Variants in TMPRSS15 observed in about 807,000 individuals in gnomAD.
TMPRSS15 encodes the protein enteropeptidase.
TMPRSS15 carries 128 observed loss-of-function variants against 125.3 expected under a neutral mutation model. That is an observed-to-expected ratio of 1.02 (90% CI 0.89 to 1.18). TMPRSS15 has a LOEUF of 1.18. Among genes scored for constraint, TMPRSS15 ranks in the 50% most tolerant of loss-of-function variants. TMPRSS15 has a pLI of 0.00. For synonymous variants in TMPRSS15, 446 were observed against 423.2 expected (o/e 1.05, Z -0.66); for missense variants, 1,283 against 1,212.7 (o/e 1.06, Z -0.86).
chr21:18,412,021 A>G (rs1325083044), intron 1 of TMPRSS15, among the ~76,000 whole-genome samples: 1 of 152,148 alleles, frequency 6.6e-6, no homozygotes, highest in African/African-American at 2.4e-5. Flanking sequence ...TTTGAAAAAA[A>G]TATCAGCATG....
chr21:18,315,249 G>T lies in TMPRSS15; in HGVS notation c.1929C>A (p.Cys643Ter). The T allele has an allele frequency of 6.2e-7, 1 of 1,611,958 alleles. No individual in the cohort carries two copies. ...TGYHLGIPEP[C>*]KADHFQCKNG... ...TTTTACATTGAAAATGGTCTGCCTTGCATGGCTCTATGGGGAAAGAATGTT... is the reference window on the plus strand; with the variant it reads ...TTTTACATTGAAAATGGTCTGCCTTTCATGGCTCTATGGGGAAAGAATGTT... The change falls in exon 17 of 25, where the codon TGC becomes TGA. Residue 643 changes from cysteine to a stop codon, truncating the protein, a stop_gained. Coordinates refer to ENST00000284885, the MANE Select transcript of TMPRSS15 (RefSeq NM_002772.3). LOFTEE classifies it high-confidence loss of function.
chr21:18,310,592 C>T (rs568720334), intron 18 of TMPRSS15, among the ~76,000 whole-genome samples: 86 of 152,024 alleles, frequency 5.7e-4, no homozygotes, highest in Middle Eastern at 6.8e-3. Context: ...CCTATACTCA[C>T]GGATTGGAAG....
At chr21:18,338,502 G>T (rs1349555014) in intron 13 of TMPRSS15, among the ~76,000 whole-genome samples, 1 of 152,036 alleles carries the variant, frequency 6.6e-6, no homozygotes, top group Non-Finnish European at 1.5e-5. Context: ...TAATAAATAG[G>T]TAGGGTGTGG....
intron 13 of TMPRSS15, among the ~76,000 whole-genome samples, chr21:18,338,026 T>C (rs2146979411): frequency 6.6e-6 from 1 of 152,292 alleles, no homozygotes; most frequent in Non-Finnish European, 1.5e-5. Context: ...CATTATAATT[T>C]CCCTATTGTT....
At chr21:18,417,052 T>C (rs12483232) in intron 1 of TMPRSS15, among the ~76,000 whole-genome samples, 1 of 152,228 alleles carries the variant, frequency 6.6e-6, no homozygotes, top group Admixed American at 6.5e-5. Context: ...TTAACTGTGC[T>C]TGAATATCAA....
rs1429876624 is a variant in TMPRSS15 at position 18,352,908 on chromosome 21, G to A, written c.1166C>T (p.Ala389Val). The A allele has an allele frequency of 1.2e-6, 2 of 1,611,934 alleles. No homozygotes were observed. Among genetic ancestry groups the A allele is most frequent in the Admixed American group, 3.3e-5 (2 of 59,914 alleles). Residue 389 changes from alanine (A) to valine (V), a missense_variant, in exon 10 of 25, where the codon GCT (alanine) becomes GTT (valine). By Grantham distance (64) the Ala-to-Val change is moderately conservative. Coordinates refer to ENST00000284885, the MANE Select transcript of TMPRSS15 (RefSeq NM_002772.3). The part of the protein sequence containing the change: ...GPNFDHTFGN[A>V]SGFYISTPTG... Reference sequence around the variant, plus strand: ...CTGAATTAAATGAATTATACCTGAAGCATTGCCAAAAGTGTGGTCAAAATT... The same window carrying A: ...CTGAATTAAATGAATTATACCTGAAACATTGCCAAAAGTGTGGTCAAAATT...
At chr21:18,331,949 T>G (rs1312348539) in intron 14 of TMPRSS15, 135 bp downstream of exon 14, 8 of 738,922 alleles carry the variant, frequency 1.1e-5, no homozygotes, top group Non-Finnish European at 1.9e-5. Context: ...TGTTGTTATA[T>G]TAAGCAATCT....
chr21:18,301,669 G>A (rs1012654556), intron 18 of TMPRSS15, among the ~76,000 whole-genome samples: 1 of 152,166 alleles, frequency 6.6e-6, no homozygotes. Context: ...CATATTTGCA[G>A]ATTTAGATAA....
chr21:18,320,908 A>G (rs2075226583), intron 16 of TMPRSS15, among the ~76,000 whole-genome samples: 2 of 152,200 alleles, frequency 1.3e-5, no homozygotes, highest in African/African-American at 2.4e-5. Flanking sequence ...AGAAAAAGAA[A>G]TATTGCTAAG....
chr21:18,365,643 T>TTTCCTCCCTTCCTTCCTTCC (rs2075724684), intron 6 of TMPRSS15, among the ~76,000 whole-genome samples: 3 of 26,776 alleles, frequency 1.1e-4, no homozygotes, highest in Admixed American at 4.6e-4. Flanking sequence ...TCTCTCTCTT[T>TTTCCTCCCTTCCTTCCTTCC]TTCCTCCCTT....
At chr21:18,321,349 CTTTTTTT>C (rs751011766) in intron 16 of TMPRSS15, among the ~76,000 whole-genome samples, 4 of 100,588 alleles carry the variant, frequency 4.0e-5, no homozygotes, top group East Asian at 3.0e-4. Flanking sequence ...TTTTTTCCTT[CTTTTTTT>C]TTTTTTTTTT....
chr21:18,417,572 A>T (rs191357914), intron 1 of TMPRSS15, among the ~76,000 whole-genome samples: 1 of 152,318 alleles, frequency 6.6e-6, no homozygotes, highest in African/African-American at 2.4e-5. Context: ...TCTATGCTGA[A>T]CAAGATTTGG....
chr21:18,328,485 C>T (rs533137690), intron 15 of TMPRSS15, among the ~76,000 whole-genome samples: 3 of 152,236 alleles, frequency 2.0e-5, no homozygotes, highest in Admixed American at 2.0e-4. Flanking sequence ...TAATGGGTGT[C>T]CTTAGCTTCT....
chr21:18,308,700 T>A (rs1216792120), intron 18 of TMPRSS15, among the ~76,000 whole-genome samples: 1 of 151,790 alleles, frequency 6.6e-6, no homozygotes, highest in Non-Finnish European at 1.5e-5. Flanking sequence ...CATCAACCCA[T>A]CATCTACATT....
intron 3 of TMPRSS15, among the ~76,000 whole-genome samples, chr21:18,392,855 C>T (rs1351134103): frequency 6.6e-6 from 1 of 152,090 alleles, no homozygotes; most frequent in East Asian, 1.9e-4. Context: ...GGGGAAACTG[C>T]CACTTATAAA....
chr21:18,388,993 G>A (rs2123082333), intron 3 of TMPRSS15, among the ~76,000 whole-genome samples: 1 of 152,090 alleles, frequency 6.6e-6, no homozygotes, highest in Admixed American at 6.6e-5. Flanking sequence ...GCAGATGGGT[G>A]TAGGGGCAGC....
intron 17 of TMPRSS15, 72 bp downstream of exon 17, chr21:18,315,074 T>C: frequency 8.3e-7 from 1 of 1,202,198 alleles, no homozygotes; most frequent in Non-Finnish European, 1.2e-6. Context: ...AGTTATAATC[T>C]TTCTTTGACA....
chr21:18,328,622 T>G (rs940748839), intron 15 of TMPRSS15, among the ~76,000 whole-genome samples: 11 of 152,050 alleles, frequency 7.2e-5, no homozygotes, highest in Non-Finnish European at 1.5e-4. Flanking sequence ...TACAAGTGGC[T>G]GGAAAGGCTA....
chr21:18,440,096 C>T (rs73325973), intron 1 of TMPRSS15, among the ~76,000 whole-genome samples: 1,890 of 152,022 alleles, frequency 0.012, 55 homozygotes, highest in African/African-American at 0.043. Context: ...TAGTGATGGC[C>T]GGGCGCGGTG....
Sources: allele counts gnomAD v4.1 joint callset (sites outside exome capture counted in the v4.1 genomes callset), GRCh38; gene constraint gnomAD v4.1.1; transcripts MANE v1.5; gene names NCBI Gene and HGNC (gene_info 2026-07-23, HGNC 2026-07-21).